AFM: variants seen among roughly 807,000 people sequenced by gnomAD.
AFM encodes afamin, also known as alpha-Alb.
A neutral mutation model predicts 68.7 loss-of-function variants in AFM; 82 were observed. That is an observed-to-expected ratio of 1.19 (90% CI 1.00 to 1.43). AFM has a LOEUF of 1.43. Among genes scored for constraint, AFM ranks in the 40% most tolerant of loss-of-function variants. The pLI is 0.00. For missense variants in AFM, 772 were observed against 701.8 expected (o/e 1.10, Z -1.13); for synonymous variants, 250 against 234.2 (o/e 1.07, Z -0.61).
intron 7 of AFM, among the ~76,000 whole-genome samples, chr4:73,489,898 C>T (rs1056205269): frequency 2.0e-5 from 3 of 152,078 alleles, no homozygotes; most frequent in African/African-American, 7.2e-5. Context: ...GATAAGTTGA[C>T]AGGTGCAGCA....
At chr4:73,495,533 G>C (rs955326457) in intron 9 of AFM, 101 bp downstream of exon 9, 2 of 1,450,114 alleles carry the variant, frequency 1.4e-6, no homozygotes, top group African/African-American at 2.9e-5. Context: ...GGTAGAAAAT[G>C]TGATTGGCTA....
chr4:73,489,785 C>G (rs7356389), intron 7 of AFM, among the ~76,000 whole-genome samples: 7,599 of 152,162 alleles, frequency 0.05, 598 homozygotes, highest in African/African-American at 0.17. Flanking sequence ...AACACATGGA[C>G]ACAGGGAGGG....
At chr4:73,502,130 T>A (rs1422120682) in intron 13 of AFM, among the ~76,000 whole-genome samples, 1 of 152,192 alleles carries the variant, frequency 6.6e-6, no homozygotes, top group Non-Finnish European at 1.5e-5. Context: ...AAGACCTGGG[T>A]TGTAACCCCA....
chr4:73,499,739 T>C (rs1376580156), intron 11 of AFM, among the ~76,000 whole-genome samples: 4 of 152,148 alleles, frequency 2.6e-5, no homozygotes, highest in Non-Finnish European at 2.9e-5. Context: ...CAGCTGTCTG[T>C]TTGCAATTGA....
chr4:73,503,851 A>G (rs1388406029), intron 14 of AFM, 25 bp from the exon 15 acceptor site: 2 of 152,086 alleles, frequency 1.3e-5, no homozygotes, highest in Non-Finnish European at 1.5e-5. Context: ...TTTTTGATGC[A>G]TGAAATACTA....
intron 9 of AFM, 110 bp downstream of exon 9, chr4:73,495,542 T>A: frequency 7.6e-7 from 1 of 1,313,206 alleles, no homozygotes; most frequent in Non-Finnish European, 1.0e-6. Context: ...TGTGATTGGC[T>A]AATCTGAGTC....
chr4:73,500,565 C>G (rs985923114), intron 12 of AFM, among the ~76,000 whole-genome samples: 1 of 152,092 alleles, frequency 6.6e-6, no homozygotes, highest in South Asian at 2.1e-4. Flanking sequence ...TTAGTGTTTA[C>G]AAAGGAGAGG....
chr4:73,490,869 T>C (rs915486122), intron 7 of AFM, among the ~76,000 whole-genome samples: 1 of 152,220 alleles, frequency 6.6e-6, no homozygotes, highest in African/African-American at 2.4e-5. Context: ...TGTAAATGTC[T>C]TTTTGAAGAT....
chr4:73,498,095 A>T (rs753787865), intron 10 of AFM, among the ~76,000 whole-genome samples: 4 of 152,128 alleles, frequency 2.6e-5, no homozygotes, highest in African/African-American at 9.7e-5. Flanking sequence ...TTCTTTGGGG[A>T]AGAGATAGTT....
Position 73,491,772 on chromosome 4 carries a change from C to G in AFM, c.844-100C>G, listed in dbSNP as rs1218774783. On this transcript the variant is annotated intron_variant, in intron 7 of 14. Transcript: ENST00000226355. Reference sequence around the variant, plus strand: ...TAGCAAATTAATTGATGAAGTGATTCCAGATGCTGCGATCATGACTGGTTT... The same window carrying G: ...TAGCAAATTAATTGATGAAGTGATTGCAGATGCTGCGATCATGACTGGTTT... 3 of 980,114 alleles carry G rather than the reference C, an allele frequency of 3.1e-6. No homozygotes were observed. The African/African-American group carries it at 5.0e-5, about 16-fold the overall frequency. The allele number at this position is 980,114 out of a possible 1,614,324, so 60.7% of individuals were successfully genotyped here. A position where few individuals can be genotyped will look rare whatever the true frequency, so the allele number is the denominator to read the frequency against.
chr4:73,503,888 A>T lies in AFM; in HGVS notation c.*53A>T, dbSNP rs1028064298. 1 of 152,134 alleles carries T rather than the reference A, an allele frequency of 6.6e-6. No homozygotes were observed. The highest frequency in any genetic ancestry group is 1.5e-5 in the Non-Finnish European group (1 of 68,014). 9.4% of individuals were successfully genotyped at this position (152,134 alleles called of 1,614,324 possible). On this transcript the variant is annotated 3_prime_UTR_variant, in exon 15 of 15. Transcript: ENST00000226355. ...CTTCTCTTTCCAGGGAAGGCTTCCT[A>T]TCTGTGTGGTGATGAATCGCATTTC...
Position 73,500,216 on chromosome 4 carries a change from G to A in AFM, c.1635G>A (p.Arg545=), listed in dbSNP as rs1266632227. 4.3e-6 allele frequency: 7 copies of A among 1,611,258 alleles called. No individual in the cohort carries two copies. Among genetic ancestry groups the A allele is most frequent in the Non-Finnish European group, 5.9e-6 (7 of 1,178,342 alleles). Residue 545 remains arginine, a synonymous_variant, in exon 12 of 15, where the codon AGG becomes AGA. Transcript: ENST00000226355. ...AATCTCAGAATGAGGAGCTTCAGAG[G>A]AAGACAGACAGGTACAAATAATCTC... ...MCQSQNEELQ[R]KTDRFLVNLV...
Position 73,488,749 on chromosome 4 carries a change from T to A in AFM, c.833T>A (p.Ile278Asn). Reference protein sequence around the residue: ...GCCEGDVVQCIRDTSKVMNHI... With the variant: ...GCCEGDVVQCNRDTSKVMNHI... ...TGTGAAGGGGATGTTGTGCAGTGCA[T>A]CCGTGACACGGTGAATATTCTCTAA... The change falls in exon 7 of 15, where the codon ATC becomes AAC. Residue 278 changes from isoleucine (I) to asparagine (N), a missense_variant. Coordinates refer to ENST00000226355, the MANE Select transcript of AFM (RefSeq NM_001133.2). The A allele has an allele frequency of 1.9e-6, 3 of 1,608,222 alleles. No individual in the cohort carries two copies. The highest frequency in any genetic ancestry group is 2.5e-6 in the Non-Finnish European group (3 of 1,178,358).
intron 1 of AFM, among the ~76,000 whole-genome samples, chr4:73,482,694 A>T (rs896783380): frequency 5.3e-5 from 8 of 152,222 alleles, no homozygotes; most frequent in African/African-American, 1.9e-4. Context: ...TCCTACCAAA[A>T]TTTAGATCTT....
chr4:73,498,183 G>C (rs1721309183), intron 10 of AFM, among the ~76,000 whole-genome samples: 1 of 151,840 alleles, frequency 6.6e-6, no homozygotes, highest in Admixed American at 6.6e-5. Flanking sequence ...TTAATATTTA[G>C]CTTTTTAGTG....
intron 8 of AFM, among the ~76,000 whole-genome samples, chr4:73,493,482 A>G (rs1201076697): frequency 6.6e-6 from 1 of 152,212 alleles, no homozygotes; most frequent in African/African-American, 2.4e-5. Context: ...GTGAACCTGT[A>G]GCTCTGGAAG....
At chr4:73,484,529 C>A (rs1720834947) in intron 3 of AFM, 139 bp downstream of exon 3, 4 of 734,406 alleles carry the variant, frequency 5.4e-6, no homozygotes, top group Non-Finnish European at 7.9e-6. Flanking sequence ...TTCTTTCTTT[C>A]TTTCTTTCCT....
In AFM at chr4:73,495,432, G is replaced by T. The variant is rs752959683; in HGVS notation, c.1191G>T (p.Ala397=). 117 of 1,607,368 alleles carry T rather than the reference G, an allele frequency of 7.3e-5. No individual in the cohort carries two copies. Among genetic ancestry groups the T allele is most frequent in the Admixed American group, 3.1e-4 (18 of 57,728 alleles). Reference sequence around the variant, plus strand: ...ACCCTCCAGGTTGTTACCGTTACGCGGTAGGTTCCATTGTTGTAGGTTCAG... The same window carrying T: ...ACCCTCCAGGTTGTTACCGTTACGCTGTAGGTTCCATTGTTGTAGGTTCAG... ...TENPPGCYRY[A]EDKFNETTEK... is the part of the protein sequence containing the mutation. The change falls in exon 9 of 15, where the codon GCG becomes GCT. Residue 397 remains alanine, a splice_region_variant and synonymous_variant. Coordinates refer to ENST00000226355, the MANE Select transcript of AFM (RefSeq NM_001133.2).
chr4:73,499,636 G>A (rs1311832101), intron 11 of AFM, among the ~76,000 whole-genome samples: 2 of 152,042 alleles, frequency 1.3e-5, no homozygotes, highest in African/African-American at 2.4e-5. Flanking sequence ...CATCTCTTTA[G>A]GGCTGGGGTG....
Sources: allele counts gnomAD v4.1 joint callset (sites outside exome capture counted in the v4.1 genomes callset), GRCh38; gene constraint gnomAD v4.1.1; transcripts MANE v1.5; gene names NCBI Gene and HGNC (gene_info 2026-07-23, HGNC 2026-07-21).